Variants in ESRRG observed in about 807,000 individuals in gnomAD.
ESRRG encodes the protein estrogen-related receptor gamma.
Under a neutral mutation model 44.0 loss-of-function variants are expected in ESRRG, and 13 were observed. The ratio of observed to expected loss-of-function variants is 0.30; its 90% confidence interval spans 0.19 to 0.47. ESRRG has a LOEUF of 0.47. Among genes scored for constraint, ESRRG ranks in the 20% least tolerant of loss-of-function variants. ESRRG has a pLI of 1.00. For synonymous variants in ESRRG, 215 were observed against 214.6 expected (o/e 1.00, Z -0.02); for missense variants, 395 against 580.6 (o/e 0.68, Z 3.29).
chr1:216,926,737 C>T (rs1047893740), intron 2 of ESRRG, among the ~76,000 whole-genome samples: 9 of 152,102 alleles, frequency 5.9e-5, no homozygotes, highest in African/African-American at 2.2e-4. Flanking sequence ...TTGAAAGAAG[C>T]ATATAATATT....
rs561085418 is a variant in ESRRG, at chr1:216,655,364, G to A, written c.473-4275C>T. On this transcript the variant is annotated intron_variant, in intron 2 of 6. Transcript: ENST00000408911. ...TCATGGTTCAGGATGCAGTACTGGC[G>A]TACTGGCAAGTACATACATTCCCAC... 7.2e-5 allele frequency among the ~76,000 whole-genome samples: 11 copies of A among 152,248 alleles called. No individual in the cohort carries two copies. In the East Asian group the frequency reaches 7.7e-4, roughly 11 times the overall value.
chr1:216,845,957 C>T (rs1024418413), intron 2 of ESRRG, among the ~76,000 whole-genome samples: 1 of 152,130 alleles, frequency 6.6e-6, no homozygotes, highest in African/African-American at 2.4e-5. Flanking sequence ...AGAAGGAAAT[C>T]GTCTACAGAA....
chr1:216,814,720 C>G (rs1014801029), intron 2 of ESRRG, among the ~76,000 whole-genome samples: 5 of 152,160 alleles, frequency 3.3e-5, no homozygotes, highest in Non-Finnish European at 7.4e-5. Context: ...GTAAACATTT[C>G]TCTGCCTTTT....
At chr1:216,561,599 G>T (rs571039306) in intron 5 of ESRRG, among the ~76,000 whole-genome samples, 2 of 152,030 alleles carry the variant, frequency 1.3e-5, no homozygotes, top group African/African-American at 2.4e-5. Flanking sequence ...CTGTAGTGTG[G>T]TCCTCTACTG....
intron 2 of ESRRG, among the ~76,000 whole-genome samples, chr1:216,853,861 A>G (rs181255602): frequency 2.0e-5 from 3 of 152,244 alleles, no homozygotes; most frequent in Admixed American, 1.3e-4. Flanking sequence ...TTGCTTTTTT[A>G]TCTTTTCATT....
At chr1:216,894,749 C>A (rs959380386) in intron 2 of ESRRG, among the ~76,000 whole-genome samples, 1 of 152,038 alleles carries the variant, frequency 6.6e-6, no homozygotes, top group Non-Finnish European at 1.5e-5. Context: ...TGGTCAGGAG[C>A]AGCACTGATG....
At chr1:217,063,637 T>C (rs12743954) in intron 1 of ESRRG, among the ~76,000 whole-genome samples, 16,531 of 152,186 alleles carry the variant, frequency 0.11, 1,673 homozygotes, top group African/African-American at 0.27. Flanking sequence ...TAAAACTCTC[T>C]AGATTAAGCT....
At chr1:216,875,004 C>A (rs1200361856) in intron 2 of ESRRG, among the ~76,000 whole-genome samples, 1 of 152,164 alleles carries the variant, frequency 6.6e-6, no homozygotes, top group East Asian at 1.9e-4. Flanking sequence ...CTATCGGTTT[C>A]CTTACTTTTA....
chr1:216,752,028 G>GT (rs1311626052), intron 2 of ESRRG, among the ~76,000 whole-genome samples: 1 of 152,042 alleles, frequency 6.6e-6, no homozygotes. Flanking sequence ...CTGTGGCTTG[G>GT]TTACTTCAAG....
At chr1:216,872,300 G>A (rs1038546987) in intron 2 of ESRRG, among the ~76,000 whole-genome samples, 2 of 152,030 alleles carry the variant, frequency 1.3e-5, no homozygotes, top group African/African-American at 4.8e-5. Context: ...CATACTGTTT[G>A]ATTTTCACTG....
chr1:216,877,882 C>T (rs1417752010), intron 2 of ESRRG, among the ~76,000 whole-genome samples: 2 of 152,196 alleles, frequency 1.3e-5, no homozygotes, highest in Non-Finnish European at 2.9e-5. Context: ...TCCACATGTA[C>T]ACCTACCAAG....
chr1:216,986,249 C>A lies in ESRRG; in HGVS notation c.-105-46576G>T, dbSNP rs1313139702. Among the ~76,000 whole-genome samples, 6 of 152,136 alleles carry A rather than the reference C, an allele frequency of 3.9e-5. No homozygotes were observed. In the East Asian group the frequency reaches 5.8e-4, roughly 15 times the overall value. On this transcript the variant is annotated intron_variant, in intron 1 of 7. Coordinates refer to the ESRRG transcript ENST00000359162. ...TCATAGTTTATATTTAGGTGGCTCA[C>A]AATCACATATACTTAAATTATTGTT... is the stretch of plus-strand genomic sequence containing the variant.
chr1:216,586,432 G>C (rs1223532915), intron 3 of ESRRG, among the ~76,000 whole-genome samples: 1 of 152,110 alleles, frequency 6.6e-6, no homozygotes, highest in Non-Finnish European at 1.5e-5. Flanking sequence ...AAAGTTAAAA[G>C]TTTCATTAAT....
chr1:216,577,319 A>G (rs1030706631), intron 3 of ESRRG, among the ~76,000 whole-genome samples: 19 of 152,038 alleles, frequency 1.2e-4, no homozygotes, highest in Middle Eastern at 3.2e-3. Flanking sequence ...AGATACTACT[A>G]TGGTTCATAC....
At chr1:216,893,583 AT>A (rs2058073653) in intron 2 of ESRRG, among the ~76,000 whole-genome samples, 1 of 152,134 alleles carries the variant, frequency 6.6e-6, no homozygotes, top group African/African-American at 2.4e-5. Flanking sequence ...CCATCAATAC[AT>A]CTTCATTTAA....
chr1:216,724,362 A>T (rs1167514505), upstream of ESRRG, among the ~76,000 whole-genome samples: 3 of 143,084 alleles, frequency 2.1e-5, no homozygotes. Flanking sequence ...TAAAGACAGC[A>T]TTTTTTTTTT....
At chr1:216,794,332 A>C (rs1224286050) in intron 2 of ESRRG, among the ~76,000 whole-genome samples, 2 of 152,216 alleles carry the variant, frequency 1.3e-5, no homozygotes, top group Non-Finnish European at 2.9e-5. Context: ...TGGTAACTTA[A>C]ACCGCTTGGG....
At chr1:216,690,509 A>G (rs2078865405) in intron 1 of ESRRG, among the ~76,000 whole-genome samples, 1 of 152,074 alleles carries the variant, frequency 6.6e-6, no homozygotes, top group South Asian at 2.1e-4. Flanking sequence ...CCTAGAGAGG[A>G]ACATAGGGAA....
chr1:216,645,790 T>C (rs1480753954), intron 3 of ESRRG, among the ~76,000 whole-genome samples: 1 of 148,402 alleles, frequency 6.7e-6, no homozygotes, highest in African/African-American at 2.5e-5. Flanking sequence ...GAGAATCACT[T>C]GAGCTCCAGA....
Sources: gnomAD v4.1 joint callset for allele counts (sites outside exome capture counted in the v4.1 genomes callset) on GRCh38, gnomAD v4.1.1 for gene constraint, MANE v1.5 for transcripts, NCBI Gene and HGNC (gene_info 2026-07-23, HGNC 2026-07-21) for gene names.